The following RALYL variants were observed in gnomAD, a reference collection of about 807,000 sequenced individuals.
RALYL encodes the protein RALY RNA binding protein like, also known as RNA-binding Raly-like protein.
In RALYL, 29 loss-of-function variants were observed where a neutral mutation model predicts 35.1. The observed-to-expected ratio is 0.83, with a 90% CI of 0.61 to 1.13. RALYL has a LOEUF of 1.13. RALYL is among the 50% of genes most tolerant of loss of function. RALYL has a pLI of 0.00. For synonymous variants in RALYL, 120 were observed against 127.6 expected, an observed-to-expected ratio of 0.94 and a Z score of 0.40; for missense variants, 359 against 360.4, an observed-to-expected ratio of 1.00 and a Z score of 0.03.
intron 1 of RALYL, among the ~76,000 whole-genome samples, chr8:84,337,431 C>CA (rs1417835475): frequency 4.0e-5 from 6 of 151,038 alleles, no homozygotes; most frequent in Non-Finnish European, 8.8e-5. Context: ...GAATTGAGTG[C>CA]AAAAAAGCTG....
At chr8:84,606,295 A>G (rs1232890730) in intron 2 of RALYL, among the ~76,000 whole-genome samples, 1 of 152,148 alleles carries the variant, frequency 6.6e-6, no homozygotes, top group East Asian at 1.9e-4. Context: ...ATCATAGGAA[A>G]TTGAATGAAT....
At chr8:84,461,704 G>A (rs1364993827) in intron 1 of RALYL, among the ~76,000 whole-genome samples, 7 of 151,708 alleles carry the variant, frequency 4.6e-5, no homozygotes, top group Non-Finnish European at 1.0e-4. Flanking sequence ...TTATTTAAAA[G>A]TTGATGTTTA....
Position 84,913,029 on chromosome 8 carries a change from T to TA in RALYL, c.859-7865_859-7864insA, listed in dbSNP as rs1425331888. 7.3e-4 allele frequency among the ~76,000 whole-genome samples: 77 copies of TA among 106,058 alleles called. 1 individual carries two copies. The highest frequency in any genetic ancestry group is 2.7e-3 in the African/African-American group (73 of 27,302). 69.6% of individuals were successfully genotyped at this position (106,058 alleles called of 152,430 possible). On this transcript the variant is annotated intron_variant, in intron 8 of 8. Coordinates refer to ENST00000521268, the MANE Select transcript of RALYL (RefSeq NM_173848.7). ...ATGGATGGATGGATGGATGGATGGA[T>TA]GGATAGGTAGGTAGATAGATAGATA...
chr8:84,213,424 T>A (rs113406236), intron 1 of RALYL, among the ~76,000 whole-genome samples: 3,926 of 152,158 alleles, frequency 0.026, 174 homozygotes, highest in African/African-American at 0.087. Context: ...AATAAATTTT[T>A]AAAAAGCAAA....
chr8:84,232,013 A>T (rs1825484343), intron 1 of RALYL, among the ~76,000 whole-genome samples: 1 of 152,170 alleles, frequency 6.6e-6, no homozygotes, highest in Non-Finnish European at 1.5e-5. Flanking sequence ...GATTATTCCA[A>T]AAAAAGGCTT....
In RALYL at chr8:84,254,942, A is replaced by C. The variant is rs1170797894; in HGVS notation, c.-24+70518A>C. On this transcript the variant is annotated intron_variant, in intron 1 of 8. Transcript: ENST00000521268. ...GATGTCGTGAGTGAGCTCTTATGAC[A>C]ACACGAACAGCATGGGGGAAACTGC... Among the ~76,000 whole-genome samples, 4 of 151,940 alleles carry C rather than the reference A, an allele frequency of 2.6e-5. No individual in the cohort carries two copies. In the South Asian group the frequency reaches 6.2e-4, roughly 24 times the overall value.
chr8:84,673,664 G>A (rs1833677197), intron 2 of RALYL, among the ~76,000 whole-genome samples: 2 of 152,188 alleles, frequency 1.3e-5, no homozygotes, highest in Admixed American at 6.5e-5. Flanking sequence ...CTTTTGTCAG[G>A]TTTGTCAAAG....
chr8:84,485,726 A>G (rs898862305), intron 1 of RALYL, among the ~76,000 whole-genome samples: 3 of 152,136 alleles, frequency 2.0e-5, no homozygotes, highest in Non-Finnish European at 4.4e-5. Flanking sequence ...TCTCTCATCC[A>G]AGATTCAAAA....
intron 7 of RALYL, among the ~76,000 whole-genome samples, chr8:84,883,791 G>T (rs1842535648): frequency 6.6e-6 from 1 of 151,958 alleles, no homozygotes; most frequent in Non-Finnish European, 1.5e-5. Flanking sequence ...ATCAGTAGGG[G>T]CGAATAATTT....
intron 1 of RALYL, among the ~76,000 whole-genome samples, chr8:84,278,567 T>A (rs556598264): frequency 1.3e-5 from 2 of 152,210 alleles, no homozygotes; most frequent in Admixed American, 6.5e-5. Flanking sequence ...CAAAATTCCA[T>A]GCCTTGCTTT....
intron 2 of RALYL, among the ~76,000 whole-genome samples, chr8:84,703,004 TG>T (rs1840477301): frequency 6.6e-6 from 1 of 151,960 alleles, no homozygotes; most frequent in African/African-American, 2.4e-5. Context: ...AAGAGTGGGG[TG>T]CCTGGACGTG....
chr8:84,913,040 G>GCAGATAGATAGA (rs1563856643), intron 8 of RALYL, among the ~76,000 whole-genome samples: 3 of 130,060 alleles, frequency 2.3e-5, no homozygotes, highest in African/African-American at 9.6e-5. Flanking sequence ...GGATAGGTAG[G>GCAGATAGATAGA]TAGATAGATA....
intron 2 of RALYL, among the ~76,000 whole-genome samples, chr8:84,772,843 G>A (rs1815885172): frequency 1.3e-5 from 2 of 152,018 alleles, no homozygotes; most frequent in South Asian, 4.1e-4. Flanking sequence ...AGGACATCTA[G>A]TACAATATTA....
intron 2 of RALYL, among the ~76,000 whole-genome samples, chr8:84,678,641 T>C (rs1199757268): frequency 6.6e-6 from 1 of 152,164 alleles, no homozygotes; most frequent in African/African-American, 2.4e-5. Flanking sequence ...TCAGAAAAAT[T>C]GTACAAACCT....
In RALYL at chr8:84,688,312, A is replaced by T. The variant is rs113339179; in HGVS notation, c.257-86267A>T. On this transcript the variant is annotated intron_variant, in intron 2 of 8. Transcript: ENST00000521268. The stretch of plus-strand genomic sequence containing the variant: ...ACAAATAAAGGCAAATATGTATCCA[A>T]TAAGATAATTTCAAAATATACTACA... Among the ~76,000 whole-genome samples the T allele has an allele frequency of 2.6e-5, 4 of 152,124 alleles. No individual in the cohort carries two copies. In the East Asian group the frequency reaches 7.7e-4, roughly 29 times the overall value.
intron 1 of RALYL, among the ~76,000 whole-genome samples, chr8:84,191,532 G>A (rs994367094): frequency 6.6e-6 from 1 of 152,046 alleles, no homozygotes; most frequent in Non-Finnish European, 1.5e-5. Context: ...ACCTAGAATT[G>A]GCTGATTCTA....
intron 2 of RALYL, among the ~76,000 whole-genome samples, chr8:84,729,760 A>G (rs1474977500): frequency 6.6e-6 from 1 of 152,112 alleles, no homozygotes; most frequent in African/African-American, 2.4e-5. Context: ...AAACACCTCT[A>G]CGCAAATAAA....
chr8:84,497,616 TTG>T (rs1032781022), intron 1 of RALYL, among the ~76,000 whole-genome samples: 5 of 150,906 alleles, frequency 3.3e-5, no homozygotes, highest in African/African-American at 1.2e-4. Flanking sequence ...TTTTAAGGTT[TTG>T]TTTTTTTTGT....
chr8:84,662,111 T>G (rs1357645064), intron 2 of RALYL, among the ~76,000 whole-genome samples: 1 of 152,160 alleles, frequency 6.6e-6, no homozygotes, highest in Non-Finnish European at 1.5e-5. Context: ...CTAGCTCCCT[T>G]AATATTCATT....
Sources: allele counts gnomAD v4.1 joint callset (sites outside exome capture counted in the v4.1 genomes callset), GRCh38; gene constraint gnomAD v4.1.1; transcripts MANE v1.5; gene names NCBI Gene and HGNC (gene_info 2026-07-23, HGNC 2026-07-21).